WWOX: variants seen among roughly 807,000 people sequenced by gnomAD.
WWOX encodes WW domain-containing oxidoreductase.
WWOX carries 69 observed loss-of-function variants against 46.2 expected under a neutral mutation model. The ratio of observed to expected loss-of-function variants is 1.49; its 90% CI spans 1.23 to 1.82. The LOEUF (loss-of-function observed/expected upper bound fraction) is 1.82. WWOX is among the 40% of genes most tolerant of loss of function. WWOX has a pLI of 0.00. For missense variants in WWOX, 919 were observed against 542.6 expected, an observed-to-expected ratio of 1.69 and a Z score of -6.89; for synonymous variants, 359 against 202.6, an observed-to-expected ratio of 1.77 and a Z score of -6.56.
intron 8 of WWOX, among the ~76,000 whole-genome samples, chr16:79,145,129 T>G (rs908879591): frequency 6.6e-6 from 1 of 152,200 alleles, no homozygotes; most frequent in African/African-American, 2.4e-5. Context: ...TAATCCATTA[T>G]TTACTAAAAC....
intron 8 of WWOX, chr16:79,101,470 G>C (rs1193006606): frequency 6.6e-6 from 1 of 152,184 alleles, no homozygotes; most frequent in African/African-American, 2.4e-5. Context: ...TCATTTGGGA[G>C]AGATTCTTTC....
intron 5 of WWOX, among the ~76,000 whole-genome samples, chr16:78,275,934 G>GCT (rs1247926805): frequency 6.6e-6 from 1 of 151,982 alleles, no homozygotes; most frequent in African/African-American, 2.4e-5. Context: ...GGACTTCTGG[G>GCT]CTCTGCTCTG....
In WWOX at chr16:78,938,138, A is replaced by T. The variant is rs372314724; in HGVS notation, c.1057-273470A>T. 5.3e-5 allele frequency among the ~76,000 whole-genome samples: 8 copies of T among 152,242 alleles called. No homozygotes were observed. The South Asian group carries it at 1.7e-3, about 32-fold the overall frequency. ...TTTCATCTCCTCACATCTGGCGCTG[A>T]ATGTCAGGACCTTCCTGGCCTCTGG... is the stretch of plus-strand genomic sequence containing the variant. On this transcript the variant is annotated intron_variant, in intron 8 of 8. Transcript: ENST00000566780.
At chr16:78,955,882 G>T (rs968411990) in intron 8 of WWOX, among the ~76,000 whole-genome samples, 2 of 151,186 alleles carry the variant, frequency 1.3e-5, no homozygotes, top group African/African-American at 4.9e-5. Flanking sequence ...GGCCTCAAGC[G>T]ATCTCCCATC....
intron 8 of WWOX, among the ~76,000 whole-genome samples, chr16:78,878,131 C>T (rs1597096293): frequency 6.6e-6 from 1 of 152,154 alleles, no homozygotes; most frequent in South Asian, 2.1e-4. Context: ...ATACAACTGC[C>T]CTGCCTCTTG....
intron 5 of WWOX, among the ~76,000 whole-genome samples, chr16:78,215,427 A>C (rs1044230240): frequency 1.3e-5 from 2 of 152,056 alleles, no homozygotes; most frequent in African/African-American, 4.8e-5. Context: ...TTCTCGTGAG[A>C]TCTGATAGTT....
chr16:79,201,220 C>A (rs929791456), intron 8 of WWOX, among the ~76,000 whole-genome samples: 2 of 152,154 alleles, frequency 1.3e-5, no homozygotes, highest in Non-Finnish European at 2.9e-5. Context: ...CTGGATCTAT[C>A]TTCCTCCTGC....
intron 8 of WWOX, among the ~76,000 whole-genome samples, chr16:78,674,671 C>T (rs915254158): frequency 1.3e-5 from 2 of 152,118 alleles, no homozygotes; most frequent in Non-Finnish European, 2.9e-5. Flanking sequence ...TGCCCCATAA[C>T]CTAACCTGTT....
At chr16:78,394,098 C>T (rs968372512) in intron 6 of WWOX, among the ~76,000 whole-genome samples, 1 of 151,952 alleles carries the variant, frequency 6.6e-6, no homozygotes, top group Non-Finnish European at 1.5e-5. Flanking sequence ...GATGAATTAC[C>T]CTGAAGACCA....
chr16:78,383,224 C>T (rs967531846), intron 5 of WWOX, among the ~76,000 whole-genome samples: 9 of 151,952 alleles, frequency 5.9e-5, no homozygotes, highest in African/African-American at 2.2e-4. Context: ...GGTGACATCC[C>T]AGTAATGACT....
intron 8 of WWOX, among the ~76,000 whole-genome samples, chr16:79,062,397 C>T (rs2048371703): frequency 1.3e-5 from 2 of 151,226 alleles, no homozygotes; most frequent in African/African-American, 4.9e-5. Context: ...GATTTATTTC[C>T]ATAGGGAAGG....
intron 8 of WWOX, chr16:79,203,031 T>A (rs1170754926): frequency 6.6e-6 from 1 of 152,234 alleles, no homozygotes; most frequent in Admixed American, 6.5e-5. Flanking sequence ...TGCTTTAAAA[T>A]GCTCACTAAC....
At chr16:78,653,219 C>T (rs1282233681) in intron 8 of WWOX, among the ~76,000 whole-genome samples, 1 of 151,982 alleles carries the variant, frequency 6.6e-6, no homozygotes, top group Non-Finnish European at 1.5e-5. Context: ...CTAGTAATTT[C>T]CTAAGATTAC....
chr16:78,699,369 A>G (rs1170895509), intron 8 of WWOX, among the ~76,000 whole-genome samples: 1 of 141,726 alleles, frequency 7.1e-6, no homozygotes, highest in African/African-American at 3.2e-5. Context: ...TTTCTACAAA[A>G]AATACAAAAA....
intron 8 of WWOX, among the ~76,000 whole-genome samples, chr16:78,806,247 C>T (rs80036948): frequency 0.013 from 1,930 of 152,206 alleles, 37 homozygotes; most frequent in African/African-American, 0.044. Context: ...TCATGAGAAC[C>T]CATTTTCTGG....
rs1211457960 is a variant in WWOX at position 78,602,122 on chromosome 16, A to G, written c.1056+169370A>G. ...TGGGCTTATTACACGCTTTTGAACT[A>G]ATCACACTAGTAGAATCTCTCTTTA... On this transcript the variant is annotated intron_variant, in intron 8 of 8. Transcript: ENST00000566780. 3.9e-5 allele frequency among the ~76,000 whole-genome samples: 6 copies of G among 152,336 alleles called. No individual in the cohort carries two copies. The South Asian group carries it at 1.2e-3, about 32-fold the overall frequency.
At chr16:78,334,804 A>ACG (rs1167396167) in intron 5 of WWOX, among the ~76,000 whole-genome samples, 2 of 57,900 alleles carry the variant, frequency 3.5e-5, no homozygotes, top group African/African-American at 1.1e-4. Flanking sequence ...ACACACACAC[A>ACG]CACGCACACA....
At chr16:79,129,788 C>A (rs915275900) in intron 8 of WWOX, among the ~76,000 whole-genome samples, 1 of 152,170 alleles carries the variant, frequency 6.6e-6, no homozygotes, top group Non-Finnish European at 1.5e-5. Context: ...AAGACAGTCA[C>A]AGTCCATCCC....
chr16:78,129,984 A>C (rs1012611848), intron 4 of WWOX: 2 of 152,076 alleles, frequency 1.3e-5, no homozygotes, highest in African/African-American at 4.8e-5. Context: ...TGCTGTTCTC[A>C]CGATAATGAG....
Sources: allele counts gnomAD v4.1 joint callset (sites outside exome capture counted in the v4.1 genomes callset), GRCh38; gene constraint gnomAD v4.1.1; transcripts MANE v1.5; gene names NCBI Gene and HGNC (gene_info 2026-07-23, HGNC 2026-07-21).